The following FANCD2 variants were observed in gnomAD, a reference collection of about 807,000 sequenced individuals.
The protein encoded by FANCD2 is FA complementation group D2.
Under a neutral mutation model 192.3 loss-of-function variants are expected in FANCD2, and 131 were observed. The observed-to-expected ratio is 0.68, with a 90% CI of 0.59 to 0.79. The LOEUF is 0.79. Among genes scored for constraint, FANCD2 ranks in the 30% least tolerant of loss-of-function variants. The pLI is 0.00. For missense variants in FANCD2, 1,508 were observed against 1,701.6 expected (o/e 0.89, Z 2.00); for synonymous variants, 524 against 612.5 (o/e 0.86, Z 2.13).
chr3:10,084,025 ACT>A (rs1281676567), intron 32 of FANCD2, among the ~76,000 whole-genome samples: 2 of 150,250 alleles, frequency 1.3e-5, no homozygotes, highest in East Asian at 4.0e-4. Flanking sequence ...ACAGAGTCTC[ACT>A]CTGTCGCTCA....
At chr3:10,029,029 A>G (rs1163203360) in intron 2 of FANCD2, among the ~76,000 whole-genome samples, 4 of 152,234 alleles carry the variant, frequency 2.6e-5, no homozygotes, top group Non-Finnish European at 5.9e-5. Flanking sequence ...CTGTACCCTT[A>G]AAAAACTTTA....
At chr3:10,060,231 A>G in intron 18 of FANCD2, 63 bp from the exon 19 acceptor site, 1 of 1,160,008 alleles carries the variant, frequency 8.6e-7, no homozygotes. Flanking sequence ...ATGGCTCGAT[A>G]TCCATACCTT....
intron 30 of FANCD2, among the ~76,000 whole-genome samples, chr3:10,079,693 C>T (rs1197614298): frequency 6.6e-6 from 1 of 152,202 alleles, no homozygotes; most frequent in African/African-American, 2.4e-5. Flanking sequence ...TTGGTTTCAA[C>T]AGCCTCCCAA....
chr3:10,088,311 G>A, intron 34 of FANCD2, 138 bp from the exon 35 acceptor site: 1 of 708,796 alleles, frequency 1.4e-6, no homozygotes, highest in East Asian at 2.7e-5. Flanking sequence ...CTTTTTGTAA[G>A]TTGCCTGTTA....
chr3:10,081,269 G>C (rs1351460270), intron 31 of FANCD2, 41 bp downstream of exon 31: 1 of 1,613,476 alleles, frequency 6.2e-7, no homozygotes, highest in Non-Finnish European at 8.5e-7. Context: ...CAAATATGAG[G>C]TTTCATTTTT....
intron 32 of FANCD2, chr3:10,083,686 A>C (rs1693987005): frequency 6.6e-6 from 1 of 152,180 alleles, no homozygotes; most frequent in Non-Finnish European, 1.5e-5. Flanking sequence ...CAGGAGATCG[A>C]GACCGTCCTG....
intron 26 of FANCD2, 152 bp from the exon 27 acceptor site, chr3:10,072,719 C>T (rs1328285009): frequency 5.8e-5 from 38 of 656,632 alleles, no homozygotes; most frequent in Middle Eastern, 4.0e-4. Flanking sequence ...TATGCCAAAA[C>T]AATGTCAGAT....
intron 27 of FANCD2, 58 bp downstream of exon 27, chr3:10,073,039 C>T (rs1693342583): frequency 9.4e-7 from 1 of 1,060,010 alleles, no homozygotes; most frequent in Non-Finnish European, 1.5e-6. Flanking sequence ...TTGAATTAAC[C>T]TAAAAGTTAT....
intron 14 of FANCD2, among the ~76,000 whole-genome samples, chr3:10,044,598 A>C (rs1327007008): frequency 6.6e-6 from 1 of 151,930 alleles, no homozygotes; most frequent in Admixed American, 6.6e-5. Context: ...AAAGATAAAA[A>C]GCCGGATGAT....
rs750123175 is a variant in FANCD2 at position 10,039,682 on chromosome 3, G to C, written c.571-39G>C. The C allele has an allele frequency of 3.1e-6, 5 of 1,612,684 alleles. No individual in the cohort carries two copies. In the South Asian group the frequency reaches 5.5e-5, roughly 18 times the overall value. ...ACGTAGGTAGTCTTTCTTTATTCTGGGTAATGTGCTGCAGTTCTAATAGTG... is the reference window on the plus strand; with the variant it reads ...ACGTAGGTAGTCTTTCTTTATTCTGCGTAATGTGCTGCAGTTCTAATAGTG... On this transcript the variant is annotated intron_variant, in intron 8 of 43. Coordinates refer to ENST00000675286, the MANE Select transcript of FANCD2 (RefSeq NM_001018115.3).
intron 30 of FANCD2, among the ~76,000 whole-genome samples, chr3:10,079,856 A>T (rs996072103): frequency 6.6e-6 from 1 of 152,110 alleles, no homozygotes; most frequent in African/African-American, 2.4e-5. Context: ...GGTCTTGGGT[A>T]TAAGCATTTA....
In FANCD2 at chr3:10,074,555, C is replaced by G; in HGVS notation, c.2741C>G (p.Thr914Arg). The change falls in exon 29 of 44, where the codon ACA becomes AGA. Residue 914 changes from threonine to arginine, a missense_variant. By Grantham distance (71) the Thr-to-Arg change is moderately conservative (BLOSUM62 -1). Around this residue, in one of 5 missense-constraint regions of FANCD2, gnomAD observed 796 missense variants for 879.4 expected, o/e 0.91. Coordinates refer to ENST00000675286, the MANE Select transcript of FANCD2 (RefSeq NM_001018115.3). ...GAGTTCACAGGGAAGGAAGAAAAGA[C>G]ATCATTGTTACTACATAATTCCCAT... Reference protein sequence around the residue: ...NKEFTGKEEKTSLLLHNSHAF... With the variant: ...NKEFTGKEEKRSLLLHNSHAF... The G allele has an allele frequency of 6.2e-7, 1 of 1,613,714 alleles. No individual in the cohort carries two copies. Among genetic ancestry groups the G allele is most frequent in the Non-Finnish European group, 8.5e-7 (1 of 1,179,794 alleles).
At chr3:10,066,126 T>G (rs771272539) in intron 25 of FANCD2, 147 bp downstream of exon 25, 8 of 666,396 alleles carry the variant, frequency 1.2e-5, no homozygotes, top group Non-Finnish European at 1.9e-5. Context: ...CACTCCCCAG[T>G]TATATGAACC....
chr3:10,032,437 C>T, intron 2 of FANCD2: 1 of 278,140 alleles, frequency 3.6e-6, no homozygotes. Context: ...TGCGTCTCCT[C>T]ACCTAACTAG....
intron 26 of FANCD2, among the ~76,000 whole-genome samples, chr3:10,071,148 A>G (rs1359140053): frequency 7.6e-6 from 1 of 130,834 alleles, no homozygotes; most frequent in African/African-American, 3.6e-5. Context: ...AGAAAAAAAG[A>G]AAAAAAAAAA....
chr3:10,097,840 T>A (rs1175665538), intron 42 of FANCD2, among the ~76,000 whole-genome samples: 1 of 152,206 alleles, frequency 6.6e-6, no homozygotes, highest in Non-Finnish European at 1.5e-5. Context: ...GCATAAGAAA[T>A]TACAAAAGTA....
chr3:10,077,732 T>A (rs903440492), intron 29 of FANCD2, among the ~76,000 whole-genome samples: 1 of 151,494 alleles, frequency 6.6e-6, no homozygotes, highest in Non-Finnish European at 1.5e-5. Context: ...TATAAAAAAA[T>A]TTAAAAATTC....
intron 26 of FANCD2, 80 bp from the exon 27 acceptor site, chr3:10,072,791 C>A: frequency 1.2e-6 from 1 of 821,076 alleles, no homozygotes; most frequent in Non-Finnish European, 2.2e-6. Flanking sequence ...TAGTTTTTAG[C>A]CAATGGAGTG....
Position 10,036,086 on chromosome 3 carries a change from C to CTTTTT in FANCD2, c.439-186_439-182dup, listed in dbSNP as rs532765216. On this transcript the variant is annotated intron_variant, in intron 6 of 43. Transcript: ENST00000675286. The stretch of plus-strand genomic sequence containing the variant: ...TAGTTGGAAAGAGAATTATACATTT[C>CTTTTT]TTTTTTTTTTTTTTTTTTTGAGTCA... 3.6e-3 allele frequency among the ~76,000 whole-genome samples: 365 copies of CTTTTT among 102,502 alleles called. 21 individuals carry two copies. Among genetic ancestry groups the CTTTTT allele is most frequent in the Non-Finnish European group, 5.4e-3 (271 of 49,914 alleles). 67.2% of individuals were successfully genotyped at this position (102,502 alleles called of 152,430 possible).
Sources: allele counts gnomAD v4.1 joint callset (sites outside exome capture counted in the v4.1 genomes callset), GRCh38; gene constraint gnomAD v4.1.1; regional missense constraint gnomAD v4.1.1; transcripts MANE v1.5; gene names NCBI Gene and HGNC (gene_info 2026-07-23, HGNC 2026-07-21).